The following NPSR1 variants were observed in gnomAD, a reference collection of about 807,000 sequenced individuals.
NPSR1 encodes neuropeptide S receptor 1, also known as neuropeptide S receptor.
NPSR1 carries 48 observed loss-of-function variants against 46.9 expected under a neutral mutation model. That is an observed-to-expected ratio of 1.02 (90% CI 0.81 to 1.30). The LOEUF is 1.30. Among genes scored for constraint, NPSR1 ranks in the 50% most tolerant of loss-of-function variants. The pLI is 0.00. For missense variants in NPSR1, 450 were observed against 449.5 expected, an observed-to-expected ratio of 1.00 and a Z score of -0.01; for synonymous variants, 176 against 168.1, an observed-to-expected ratio of 1.05 and a Z score of -0.36.
intron 2 of NPSR1, among the ~76,000 whole-genome samples, chr7:34,706,088 T>C (rs2128699080): frequency 6.6e-6 from 1 of 152,224 alleles, no homozygotes; most frequent in East Asian, 1.9e-4. Flanking sequence ...CATTTAATTC[T>C]GGTATTTTGT....
intron 2 of NPSR1, among the ~76,000 whole-genome samples, chr7:34,746,919 G>A (rs1197413978): frequency 1.3e-5 from 2 of 152,074 alleles, no homozygotes; most frequent in Non-Finnish European, 2.9e-5. Context: ...GAGGTCAAGA[G>A]ATCGAGACCA....
intron 2 of NPSR1, among the ~76,000 whole-genome samples, chr7:34,699,417 T>C (rs1793706884): frequency 1.3e-5 from 2 of 152,244 alleles, no homozygotes; most frequent in South Asian, 4.1e-4. Flanking sequence ...ACTTATGATT[T>C]TATAGGTGTT....
In NPSR1 at chr7:34,801,671, C is replaced by A. The variant is rs544301329; in HGVS notation, c.385-10099C>A. Among the ~76,000 whole-genome samples the A allele has an allele frequency of 7.7e-4, 112 of 146,148 alleles. 5 individuals are homozygous for A. The highest frequency in any genetic ancestry group is 3.0e-3 in the African/African-American group (110 of 36,800). ...TGAAAACTGGCACAAGACAGGGATG[C>A]CCTCTCTCACCACTCCTATTCAACA... On this transcript the variant is annotated intron_variant, in intron 3 of 8. Coordinates refer to ENST00000360581, the MANE Select transcript of NPSR1 (RefSeq NM_207172.2).
intron 2 of NPSR1, among the ~76,000 whole-genome samples, chr7:34,737,717 T>C (rs890851521): frequency 2.6e-5 from 4 of 152,218 alleles, no homozygotes; most frequent in Admixed American, 2.6e-4. Flanking sequence ...GTCTCTTTTA[T>C]TGGTTCCTTC....
intron 4 of NPSR1, among the ~76,000 whole-genome samples, chr7:34,814,387 G>T (rs985777248): frequency 6.6e-6 from 1 of 152,220 alleles, no homozygotes; most frequent in African/African-American, 2.4e-5. Flanking sequence ...AAAGTGGCCC[G>T]GCAGCTCAAA....
At chr7:34,767,557 G>T (rs1485778436) in intron 2 of NPSR1, among the ~76,000 whole-genome samples, 1 of 152,132 alleles carries the variant, frequency 6.6e-6, no homozygotes, top group Admixed American at 6.6e-5. Flanking sequence ...CATAAAAATT[G>T]CCCAAAGTGA....
chr7:34,744,284 G>A (rs1785097735), intron 2 of NPSR1, among the ~76,000 whole-genome samples: 1 of 151,968 alleles, frequency 6.6e-6, no homozygotes, highest in Non-Finnish European at 1.5e-5. Context: ...TATCACTACA[G>A]GATTTTTCTT....
intron 3 of NPSR1, among the ~76,000 whole-genome samples, chr7:34,778,919 C>G (rs1029384225): frequency 6.6e-6 from 1 of 152,076 alleles, no homozygotes; most frequent in Non-Finnish European, 1.5e-5. Context: ...ATGAACTCAA[C>G]GCTGGCTACT....
intron 2 of NPSR1, among the ~76,000 whole-genome samples, chr7:34,767,533 T>C (rs540554648): frequency 6.6e-6 from 1 of 152,236 alleles, no homozygotes; most frequent in Admixed American, 6.5e-5. Context: ...AATTAGGTAA[T>C]CTGAAGATAG....
At chr7:34,664,632 G>A (rs1791649927) in intron 1 of NPSR1, among the ~76,000 whole-genome samples, 1 of 145,514 alleles carries the variant, frequency 6.9e-6, no homozygotes, top group South Asian at 2.1e-4. Flanking sequence ...AAAAAAATGA[G>A]ACCATGAAAA....
intron 2 of NPSR1, among the ~76,000 whole-genome samples, chr7:34,692,362 C>T (rs1287957890): frequency 6.6e-6 from 1 of 151,920 alleles, no homozygotes; most frequent in African/African-American, 2.4e-5. Flanking sequence ...TTTCTTAAAC[C>T]ACAGTGGAAT....
At chr7:34,677,196 TAC>T (rs1354382689) in intron 1 of NPSR1, among the ~76,000 whole-genome samples, 4 of 152,176 alleles carry the variant, frequency 2.6e-5, no homozygotes, top group Non-Finnish European at 5.9e-5. Flanking sequence ...GATTGTACTC[TAC>T]AAAGATGAAG....
At chr7:34,838,454 C>G (rs867850087) in intron 6 of NPSR1, among the ~76,000 whole-genome samples, 1 of 152,106 alleles carries the variant, frequency 6.6e-6, no homozygotes, top group Non-Finnish European at 1.5e-5. Context: ...ATATCTTATT[C>G]GTAAAAGGAA....
chr7:34,853,392 A>G (rs886597722), downstream of NPSR1, among the ~76,000 whole-genome samples: 1 of 152,204 alleles, frequency 6.6e-6, no homozygotes, highest in Non-Finnish European at 1.5e-5. Context: ...TGTCCCCTGA[A>G]GCTTTCCAAT....
At chr7:34,672,504 G>A (rs1298195815) in intron 1 of NPSR1, among the ~76,000 whole-genome samples, 2 of 150,380 alleles carry the variant, frequency 1.3e-5, no homozygotes, top group South Asian at 2.1e-4. Flanking sequence ...TGATCGAAAT[G>A]AGAACGTTTA....
chr7:34,673,205 T>G (rs1792144075), intron 1 of NPSR1, among the ~76,000 whole-genome samples: 1 of 152,166 alleles, frequency 6.6e-6, no homozygotes, highest in Non-Finnish European at 1.5e-5. Context: ...ATCATAGAAG[T>G]TCACATTGAA....
At chr7:34,793,144 T>C (rs915677305) in intron 3 of NPSR1, among the ~76,000 whole-genome samples, 5 of 151,832 alleles carry the variant, frequency 3.3e-5, no homozygotes, top group Non-Finnish European at 7.4e-5. Flanking sequence ...CTGGGCAACA[T>C]AGTGAGACCC....
chr7:34,751,652 G>A lies in NPSR1; in HGVS notation c.281-26810G>A, dbSNP rs1785536190. 1.3e-5 allele frequency: 21 copies of A among 1,596,498 alleles called. No homozygotes were observed. The South Asian group carries it at 2.3e-4, about 18-fold the overall frequency. On this transcript the variant is annotated intron_variant, in intron 2 of 8. Transcript: ENST00000360581. ...TGCTCCAAGTGGACCAGCTGCTGCA[G>A]AGCCACATCCCCAGCCAGGGACAAG...
chr7:34,679,371 A>G (rs185172821), intron 1 of NPSR1, among the ~76,000 whole-genome samples: 1 of 152,296 alleles, frequency 6.6e-6, no homozygotes, highest in East Asian at 1.9e-4. Context: ...TTAGAAATAT[A>G]TAGATAAACA....
Sources: gnomAD v4.1 joint callset for allele counts (sites outside exome capture counted in the v4.1 genomes callset) on GRCh38, gnomAD v4.1.1 for gene constraint, MANE v1.5 for transcripts, NCBI Gene and HGNC (gene_info 2026-07-23, HGNC 2026-07-21) for gene names.